BBS1: variants seen among roughly 807,000 people sequenced by gnomAD.
BBS1 encodes the protein Bardet-Biedl syndrome 1, also known as BBSome complex member BBS1.
BBS1 carries 60 observed loss-of-function variants against 73.9 expected under a neutral mutation model. That is an observed-to-expected ratio of 0.81 (90% confidence interval 0.66 to 1.01). BBS1 has a LOEUF of 1.01. Ranked by LOEUF, BBS1 falls within the 50% of genes least tolerant of loss-of-function variation. The pLI, the probability that BBS1 is intolerant of heterozygous loss-of-function variation, is 0.00. For missense variants in BBS1, 718 were observed against 770.3 expected (o/e 0.93, Z 0.80); for synonymous variants, 283 against 317.4 (o/e 0.89, Z 1.15).
chr11:66,532,311 A>G lies in BBS1; in HGVS notation c.*274A>G, dbSNP rs1054265236. 7.7e-6 allele frequency: 4 copies of G among 518,752 alleles called. No individual in the cohort carries two copies. The highest frequency in any genetic ancestry group is 5.8e-5 in the African/African-American group (3 of 52,154). The allele number at this position is 518,752 out of a possible 1,614,324, so 32.1% of individuals were successfully genotyped here. A position where few individuals can be genotyped will look rare whatever the true frequency, so the allele number is the denominator to read the frequency against. On this transcript the variant is annotated 3_prime_UTR_variant, in exon 17 of 17. Coordinates refer to ENST00000318312, the MANE Select transcript of BBS1 (RefSeq NM_024649.5). ...CCCTCCCCAGCCTTTTCCAGAAACC[A>G]TACTGGGCTCAGATCAGAGCTCCGA...
At chr11:66,529,266 G>T in intron 13 of BBS1, 1 of 1,530,766 alleles carries the variant, frequency 6.5e-7, no homozygotes, top group Non-Finnish European at 8.7e-7. Flanking sequence ...GTGAGGGGTG[G>T]ACCTAGGTGA....
rs1041826970 is a variant in BBS1, at chr11:66,532,751, A to G, written c.*714A>G. ...TCCAGCCCCACTAGAGCTCCTAAAG[A>G]TCACACAGCAGCTGCTCCTGACAGG... On this transcript the variant is annotated 3_prime_UTR_variant, in exon 17 of 17. Coordinates refer to ENST00000318312, the MANE Select transcript of BBS1 (RefSeq NM_024649.5). 4 of 152,476 alleles carry G rather than the reference A, an allele frequency of 2.6e-5. No individual in the cohort carries two copies. Among genetic ancestry groups the G allele is most frequent in the Non-Finnish European group, 5.9e-5 (4 of 68,236 alleles). The allele number at this position is 152,476 out of a possible 1,614,324, so 9.4% of individuals were successfully genotyped here.
rs1856827976 is a variant in BBS1 at position 66,532,472 on chromosome 11, T to A, written c.*435T>A. On this transcript the variant is annotated 3_prime_UTR_variant, in exon 17 of 17. Coordinates refer to ENST00000318312, the MANE Select transcript of BBS1 (RefSeq NM_024649.5). Reference sequence around the variant, plus strand: ...TGGCCAGGGAAATCAGAAGCTCTTCTTGGGTGAGATTGAGCCTCCTGTTGC... The same window carrying A: ...TGGCCAGGGAAATCAGAAGCTCTTCATGGGTGAGATTGAGCCTCCTGTTGC... 5.7e-6 allele frequency: 1 copy of A among 175,246 alleles called. No individual in the cohort carries two copies. The highest frequency in any genetic ancestry group is 2.4e-5 in the African/African-American group (1 of 42,304). 10.9% of individuals were successfully genotyped at this position (175,246 alleles called of 1,614,324 possible).
At position 66,516,392 on chromosome 11, in the gene BBS1, C is replaced by T. The variant is rs540278769; in HGVS notation, c.591+459C>T. Among the ~76,000 whole-genome samples the T allele has an allele frequency of 7.4e-4, 113 of 152,214 alleles. 1 individual carries two copies. The highest frequency in any genetic ancestry group is 2.6e-3 in the African/African-American group (110 of 41,526). On this transcript the variant is annotated intron_variant, in intron 7 of 16. Transcript: ENST00000318312. ...CCGCCTACCTTGACCTCCCAAAGTG[C>T]TCAGATTACAGGTGTGAGCCATCGT...
At position 66,519,597 on chromosome 11, in the gene BBS1, C is replaced by G. The variant is rs778903752; in HGVS notation, c.592-20C>G. ...TGGTGTGTGGAGGTTCCCTGGGTGACCCCTGGAGTCCTTCTGTAGACAGTC... is the reference window on the plus strand; with the variant it reads ...TGGTGTGTGGAGGTTCCCTGGGTGAGCCCTGGAGTCCTTCTGTAGACAGTC... On this transcript the variant is annotated intron_variant, in intron 7 of 16. Coordinates refer to ENST00000318312, the MANE Select transcript of BBS1 (RefSeq NM_024649.5). 3 of 1,613,426 alleles carry G rather than the reference C, an allele frequency of 1.9e-6. No homozygotes were observed. Among genetic ancestry groups the G allele is most frequent in the Admixed American group, 3.3e-5 (2 of 59,976 alleles).
At chr11:66,518,209 G>A (rs1223913248) in intron 7 of BBS1, among the ~76,000 whole-genome samples, 2 of 151,064 alleles carry the variant, frequency 1.3e-5, no homozygotes, top group South Asian at 2.1e-4. Context: ...CACCCACCTC[G>A]GCCTCCCAAA....
At chr11:66,512,865 G>A (rs556443119) in intron 3 of BBS1, among the ~76,000 whole-genome samples, 36 of 152,080 alleles carry the variant, frequency 2.4e-4, no homozygotes, top group South Asian at 2.1e-4. Context: ...CCAGCTACTC[G>A]GGAGGCTGAG....
At chr11:66,522,951 C>T in intron 9 of BBS1, 2 of 358,540 alleles carry the variant, frequency 5.6e-6, no homozygotes, top group Non-Finnish European at 1.1e-5. Flanking sequence ...TGTTGTAGGC[C>T]AACTCAAAGT....
intron 10 of BBS1, 52 bp downstream of exon 10, chr11:66,523,628 AC>A (rs1856346688): frequency 1.2e-6 from 2 of 1,612,884 alleles, no homozygotes; most frequent in African/African-American, 2.7e-5. Context: ...CCTAGCCCCC[AC>A]TTGGCAAGAG....
At chr11:66,525,117 G>A (rs755204092) in intron 11 of BBS1, among the ~76,000 whole-genome samples, 19 of 151,362 alleles carry the variant, frequency 1.3e-4, no homozygotes, top group African/African-American at 2.2e-4. Context: ...GGAGAATGGC[G>A]TGAACCTGGG....
intron 13 of BBS1, chr11:66,527,190 T>G: frequency 1.7e-6 from 1 of 574,670 alleles, no homozygotes; most frequent in Non-Finnish European, 3.1e-6. Flanking sequence ...CTGGGTAACA[T>G]AATGATACTT....
chr11:66,521,297 CT>C lies in BBS1; in HGVS notation c.752del (p.Leu251GlnfsTer25), dbSNP rs2134784600. ...GAGCCTTCCCAGCGTCCCCGTCTTC[CT>C]AGAGGTTTCTGGCCAGTTTGATGTT... Reference protein sequence around the residue: ...KMSLPSVPVFLEVSGQFDVEF... With the variant: ...KMSLPSVPVFXEVSGQFDVEF... On this transcript the variant is annotated frameshift_variant, in exon 9 of 17. Transcript: ENST00000318312. LOFTEE classifies it high-confidence loss of function. 1 of 1,614,226 alleles carries C rather than the reference CT, an allele frequency of 6.2e-7. No individual in the cohort carries two copies. The highest frequency in any genetic ancestry group is 8.5e-7 in the Non-Finnish European group (1 of 1,180,038).
intron 9 of BBS1, 102 bp from the exon 10 acceptor site, chr11:66,523,354 T>C: frequency 6.5e-7 from 1 of 1,529,598 alleles, no homozygotes; most frequent in Non-Finnish European, 9.1e-7. Flanking sequence ...TTGGGGCCAG[T>C]GTTCCTCCCA....
rs761304709 is a variant in BBS1 at position 66,532,017 on chromosome 11, G to A, written c.1762G>A (p.Glu588Lys). ...TGCCCACGTCAACATGCCTGGGAGC[G>A]AGGGGCTGGCGGCCGCCTGAGACCT... is the stretch of plus-strand genomic sequence containing the variant. The part of the protein sequence containing the change: ...LSAHVNMPGS[E>K]GLAAA Residue 588 changes from glutamate (E) to lysine (K), a missense_variant, in exon 17 of 17, where the codon GAG (glutamate) becomes AAG (lysine). Physicochemically the swap from Glu to Lys is moderately conservative, Grantham distance 56. Coordinates refer to ENST00000318312, the MANE Select transcript of BBS1 (RefSeq NM_024649.5). 6.8e-6 allele frequency: 11 copies of A among 1,606,898 alleles called. No individual in the cohort carries two copies. Among genetic ancestry groups the A allele is most frequent in the Admixed American group, 6.7e-5 (4 of 59,270 alleles).
chr11:66,512,022 GTATATATATGTATATATATGTA>G (rs1565280727), intron 3 of BBS1, among the ~76,000 whole-genome samples: 1 of 141,386 alleles, frequency 7.1e-6, no homozygotes. Flanking sequence ...ATATATATGT[GTATATATATGTATATATATGTA>G]TATATATGTG....
In BBS1 at chr11:66,519,571, G is replaced by A. The variant is rs1856135850; in HGVS notation, c.592-46G>A. 6 of 1,612,230 alleles carry A rather than the reference G, an allele frequency of 3.7e-6. No homozygotes were observed. In the South Asian group the frequency reaches 6.6e-5, roughly 18 times the overall value. ...GTGGCATTCTGGGAGTATCTTGGGG[G>A]TGGTGTGTGGAGGTTCCCTGGGTGA... On this transcript the variant is annotated intron_variant, in intron 7 of 16. Coordinates refer to ENST00000318312, the MANE Select transcript of BBS1 (RefSeq NM_024649.5).
intron 7 of BBS1, among the ~76,000 whole-genome samples, chr11:66,519,363 C>G (rs1250160993): frequency 6.6e-6 from 1 of 151,944 alleles, no homozygotes; most frequent in East Asian, 1.9e-4. Flanking sequence ...AGAGCGAGAA[C>G]CTGTCTCAAG....
Position 66,523,429 on chromosome 11 carries a change from C to T in BBS1, c.831-27C>T, listed in dbSNP as rs202036802. 1.2e-4 allele frequency: 199 copies of T among 1,614,074 alleles called. 1 individual carries two copies. In the African/African-American group the frequency reaches 2.5e-3, roughly 20 times the overall value. On this transcript the variant is annotated intron_variant, in intron 9 of 16. Transcript: ENST00000318312. ...AGAAGTGGAGAGGATTTCTCTGGGG[C>T]CAGACAGTGTGTTGTTTATTCCACA...
intron 3 of BBS1, among the ~76,000 whole-genome samples, chr11:66,513,350 A>G (rs1282725543): frequency 6.6e-6 from 1 of 152,130 alleles, no homozygotes; most frequent in African/African-American, 2.4e-5. Context: ...GAAGTTAGAA[A>G]GTTGAGACCC....
Sources: allele counts gnomAD v4.1 joint callset (sites outside exome capture counted in the v4.1 genomes callset), GRCh38; gene constraint gnomAD v4.1.1; transcripts MANE v1.5; gene names NCBI Gene and HGNC (gene_info 2026-07-23, HGNC 2026-07-21).